NKAIN3: variants seen among roughly 807,000 people sequenced by gnomAD.
NKAIN3 encodes sodium/potassium-transporting ATPase subunit beta-1-interacting protein 3.
NKAIN3 carries 25 observed loss-of-function variants against 30.2 expected under a neutral mutation model. The observed-to-expected ratio is 0.83, with a 90% CI of 0.60 to 1.16. The LOEUF is 1.16. Among genes scored for constraint, NKAIN3 ranks in the 50% most tolerant of loss-of-function variants. The pLI, the probability that NKAIN3 is intolerant of heterozygous loss-of-function variation, is 0.00. For missense variants in NKAIN3, 225 were observed against 254.1 expected (o/e 0.89, Z 0.78); for synonymous variants, 91 against 89.6 (o/e 1.02, Z -0.09).
intron 4 of NKAIN3, among the ~76,000 whole-genome samples, chr8:62,826,550 C>A (rs1464132611): frequency 6.6e-6 from 1 of 152,146 alleles, no homozygotes; most frequent in Non-Finnish European, 1.5e-5. Flanking sequence ...ATATTTCTAT[C>A]CATTCCATAG....
At chr8:62,941,822 T>C (rs915000467) in intron 5 of NKAIN3, among the ~76,000 whole-genome samples, 2 of 151,960 alleles carry the variant, frequency 1.3e-5, no homozygotes, top group African/African-American at 4.8e-5. Flanking sequence ...ACTGGGGAAA[T>C]GTTGAAAGCA....
chr8:62,945,663 A>G (rs1226208329), intron 5 of NKAIN3, among the ~76,000 whole-genome samples: 1 of 152,214 alleles, frequency 6.6e-6, no homozygotes, highest in Non-Finnish European at 1.5e-5. Context: ...CTACATGCCT[A>G]CACACCATTT....
intron 1 of NKAIN3, among the ~76,000 whole-genome samples, chr8:62,361,930 T>C (rs1438113495): frequency 6.6e-6 from 1 of 152,182 alleles, no homozygotes; most frequent in Non-Finnish European, 1.5e-5. Flanking sequence ...CATTTAGATA[T>C]TAGCTTCCAC....
At chr8:62,790,176 T>G (rs984397551) in intron 4 of NKAIN3, among the ~76,000 whole-genome samples, 3 of 152,030 alleles carry the variant, frequency 2.0e-5, no homozygotes, top group Non-Finnish European at 4.4e-5. Context: ...ATCAATAAAT[T>G]TAATCCAGCA....
rs978162754 is a variant in NKAIN3 at position 62,983,987 on chromosome 8, G to C, written c.*18580G>C. ...CAGACTAGGCAACTAAAGGAACTCAGTAAAAGATCAAAAGCAATGCTCAAA... is the reference window on the plus strand; with the variant it reads ...CAGACTAGGCAACTAAAGGAACTCACTAAAAGATCAAAAGCAATGCTCAAA... On this transcript the variant is annotated 3_prime_UTR_variant, in exon 7 of 7. Transcript: ENST00000623646. 6.6e-6 allele frequency: 1 copy of C among 152,174 alleles called. No homozygotes were observed. 9.4% of individuals were successfully genotyped at this position (152,174 alleles called of 1,614,324 possible).
downstream of NKAIN3, among the ~76,000 whole-genome samples, chr8:62,985,771 G>A (rs566478748): frequency 6.6e-6 from 1 of 151,886 alleles, no homozygotes; most frequent in East Asian, 1.9e-4. Flanking sequence ...AAAAAGGGAG[G>A]AGCCTGTTAA....
intron 5 of NKAIN3, among the ~76,000 whole-genome samples, chr8:62,993,060 G>A (rs1824354414): frequency 6.6e-6 from 1 of 151,706 alleles, no homozygotes; most frequent in African/African-American, 2.4e-5. Flanking sequence ...TTGTTTTTTT[G>A]CCTCTAGGTA....
In NKAIN3 at chr8:62,341,402, AT is replaced by A. The variant is rs1687375758; in HGVS notation, c.54+92276del. 3.3e-5 allele frequency among the ~76,000 whole-genome samples: 5 copies of A among 152,158 alleles called. No individual in the cohort carries two copies. The South Asian group carries it at 1.0e-3, about 32-fold the overall frequency. On this transcript the variant is annotated intron_variant, in intron 1 of 6. Coordinates refer to ENST00000623646, the MANE Select transcript of NKAIN3 (RefSeq NM_001304533.3). ...AGTCTAGATGAAATTCATTCTAGAA[AT>A]AATACACCTTGTGAGTTAGAAGCAA...
intron 4 of NKAIN3, among the ~76,000 whole-genome samples, chr8:62,867,677 A>G (rs537736010): frequency 3.0e-4 from 46 of 152,356 alleles, no homozygotes; most frequent in Admixed American, 6.5e-4. Flanking sequence ...AATAAATTTC[A>G]TACTAAAACG....
chr8:62,706,101 G>A (rs544766316), intron 3 of NKAIN3, among the ~76,000 whole-genome samples: 1 of 152,170 alleles, frequency 6.6e-6, no homozygotes, highest in Admixed American at 6.5e-5. Flanking sequence ...CTGTAGAGTG[G>A]ATCAAATTAC....
intron 3 of NKAIN3, among the ~76,000 whole-genome samples, chr8:62,640,144 A>G (rs1352238419): frequency 2.0e-5 from 3 of 152,160 alleles, no homozygotes; most frequent in Admixed American, 6.5e-5. Context: ...TCTCCAGGGC[A>G]TACTTCCGTG....
intron 5 of NKAIN3, among the ~76,000 whole-genome samples, chr8:62,928,516 A>T (rs546059631): frequency 2.0e-5 from 3 of 152,182 alleles, no homozygotes; most frequent in Non-Finnish European, 4.4e-5. Context: ...AGCTTGTGTC[A>T]GAGACTGGCT....
intron 5 of NKAIN3, among the ~76,000 whole-genome samples, chr8:62,922,891 A>G (rs1822325657): frequency 2.0e-5 from 3 of 152,116 alleles, no homozygotes; most frequent in African/African-American, 7.2e-5. Context: ...ATAGCTACAC[A>G]ATGACTAGCT....
Position 62,971,833 on chromosome 8 carries a change from A to G in NKAIN3, c.*6426A>G, listed in dbSNP as rs577808531. On this transcript the variant is annotated 3_prime_UTR_variant, in exon 7 of 7. Coordinates refer to ENST00000623646, the MANE Select transcript of NKAIN3 (RefSeq NM_001304533.3). ...ACTGTGAGAGATTTAATCATCAAGT[A>G]TGTGAAATGAGAATTTCTGCCTCAT... 1.3e-5 allele frequency among the ~76,000 whole-genome samples: 2 copies of G among 152,338 alleles called. No homozygotes were observed. The highest frequency in any genetic ancestry group is 3.9e-4 in the East Asian group (2 of 5,184).
At chr8:62,692,441 G>C (rs993868676) in intron 3 of NKAIN3, among the ~76,000 whole-genome samples, 1 of 152,174 alleles carries the variant, frequency 6.6e-6, no homozygotes, top group Non-Finnish European at 1.5e-5. Context: ...CAAAGATTTT[G>C]TGTGTGCAGG....
At chr8:62,314,895 A>G (rs928140653) in intron 1 of NKAIN3, among the ~76,000 whole-genome samples, 1 of 152,178 alleles carries the variant, frequency 6.6e-6, no homozygotes, top group African/African-American at 2.4e-5. Flanking sequence ...TCTCCTGTGA[A>G]GAAAAACTGA....
In NKAIN3 at chr8:62,859,511, A is replaced by AAAAAAAAAAAAAAAAAAAAAAAC. The variant is rs1310262588; in HGVS notation, c.472-58932_472-58931insAAAAAAAAAAAACAAAAAAAAAA. ...TTTTCTATACTCTTACTTCAACTAAAAAAAAAAAAACTTCATGGAAGTAGC... is the reference window on the plus strand; with the variant it reads ...TTTTCTATACTCTTACTTCAACTAAAAAAAAAAAAAAAAAAAAAAAAACAAAAAAAAAACTTCATGGAAGTAGC... On this transcript the variant is annotated intron_variant, in intron 4 of 6. Transcript: ENST00000623646. 6.0e-5 allele frequency among the ~76,000 whole-genome samples: 9 copies of AAAAAAAAAAAAAAAAAAAAAAAC among 149,218 alleles called. 2 individuals are homozygous for AAAAAAAAAAAAAAAAAAAAAAAC. Among genetic ancestry groups the AAAAAAAAAAAAAAAAAAAAAAAC allele is most frequent in the Non-Finnish European group, 1.2e-4 (8 of 67,114 alleles).
intron 1 of NKAIN3, among the ~76,000 whole-genome samples, chr8:62,284,342 G>A (rs932426117): frequency 6.6e-6 from 1 of 152,042 alleles, no homozygotes; most frequent in South Asian, 2.1e-4. Flanking sequence ...TAAAAGGGTA[G>A]ACTGTACCCA....
chr8:62,876,877 C>G (rs1188403545), intron 4 of NKAIN3, among the ~76,000 whole-genome samples: 1 of 151,752 alleles, frequency 6.6e-6, no homozygotes, highest in Admixed American at 6.6e-5. Flanking sequence ...TCATGGCACA[C>G]GTATACCTAT....
Sources: allele counts gnomAD v4.1 joint callset (sites outside exome capture counted in the v4.1 genomes callset), GRCh38; gene constraint gnomAD v4.1.1; transcripts MANE v1.5; gene names NCBI Gene and HGNC (gene_info 2026-07-23, HGNC 2026-07-21).